Variants in CFAP44 observed in about 807,000 individuals in gnomAD.
CFAP44 encodes cilia and flagella associated protein 44.
Under a neutral mutation model 216.2 loss-of-function variants are expected in CFAP44, and 134 were observed. The observed-to-expected ratio is 0.62, with a 90% CI of 0.54 to 0.72. CFAP44 has a LOEUF of 0.72. CFAP44 is among the 30% of genes least tolerant of loss of function. The pLI is 0.00. For missense variants in CFAP44, 2,035 were observed against 2,182.1 expected, an observed-to-expected ratio of 0.93 and a Z score of 1.34; for synonymous variants, 700 against 727.6, an observed-to-expected ratio of 0.96 and a Z score of 0.61.
chr3:113,424,351 G>T (rs1934902362), intron 4 of CFAP44, among the ~76,000 whole-genome samples: 1 of 152,142 alleles, frequency 6.6e-6, no homozygotes, highest in Non-Finnish European at 1.5e-5. Context: ...CAGGAGAATT[G>T]CTTGAACCCG....
intron 3 of CFAP44, chr3:113,426,710 T>C (rs1423912824): frequency 1.1e-5 from 2 of 188,324 alleles, no homozygotes; most frequent in African/African-American, 4.8e-5. Flanking sequence ...AAAATTGTAT[T>C]TCCCAGAGAC....
At chr3:113,317,614 C>G (rs1950101065) in intron 28 of CFAP44, among the ~76,000 whole-genome samples, 1 of 152,172 alleles carries the variant, frequency 6.6e-6, no homozygotes, top group African/African-American at 2.4e-5. Context: ...CCCTGAATCT[C>G]AAGATATCCC....
chr3:113,389,070 A>T (rs942563248), intron 15 of CFAP44, among the ~76,000 whole-genome samples: 1 of 152,228 alleles, frequency 6.6e-6, no homozygotes, highest in African/African-American at 2.4e-5. Context: ...GCTGCAGAAT[A>T]CACATTATTC....
chr3:113,365,591 C>T (rs1950579352), intron 19 of CFAP44, among the ~76,000 whole-genome samples: 1 of 151,918 alleles, frequency 6.6e-6, no homozygotes, highest in African/African-American at 2.4e-5. Context: ...TAATCATGAC[C>T]CACATTGTCA....
chr3:113,436,178 T>A (rs1159833407), intron 1 of CFAP44, among the ~76,000 whole-genome samples: 1 of 152,190 alleles, frequency 6.6e-6, no homozygotes, highest in Admixed American at 6.5e-5. Context: ...ATATTTTCTA[T>A]TCCTTCCAGT....
At chr3:113,337,679 C>A (rs80125521) in intron 24 of CFAP44, among the ~76,000 whole-genome samples, 5,568 of 151,922 alleles carry the variant, frequency 0.037, 130 homozygotes, top group African/African-American at 0.07. Context: ...GACAAAGGTG[C>A]AAAAGGAATT....
chr3:113,339,236 G>C (rs77742359), intron 24 of CFAP44, among the ~76,000 whole-genome samples: 13,881 of 152,150 alleles, frequency 0.091, 836 homozygotes, highest in African/African-American at 0.16. Flanking sequence ...TCCAGATTCT[G>C]AGGGTCAAAC....
chr3:113,392,727 CCAGAATAACTCT>C (rs930591708), intron 15 of CFAP44, among the ~76,000 whole-genome samples: 5 of 144,478 alleles, frequency 3.5e-5, no homozygotes, highest in African/African-American at 1.2e-4. Context: ...ATAATAAAGA[CCAGAATAACTCT>C]CAAGATTCTG....
intron 14 of CFAP44, 53 bp from the exon 15 acceptor site, chr3:113,395,913 T>A: frequency 7.5e-7 from 1 of 1,342,228 alleles, no homozygotes; most frequent in Non-Finnish European, 1.0e-6. Flanking sequence ...AAATCTAGCC[T>A]ATAGATCACA....
intron 17 of CFAP44, among the ~76,000 whole-genome samples, chr3:113,374,956 G>A (rs1033866124): frequency 5.3e-5 from 8 of 152,232 alleles, no homozygotes; most frequent in African/African-American, 1.7e-4. Context: ...ATTTATGACT[G>A]AGTATATAAG....
rs570876610 is a variant in CFAP44 at position 113,358,851 on chromosome 3, G to A, written c.2959C>T (p.Arg987Cys). The A allele has an allele frequency of 2.3e-5, 36 of 1,536,324 alleles. No homozygotes were observed. Among genetic ancestry groups the A allele is most frequent in the African/African-American group, 1.2e-4 (9 of 73,088 alleles). ...GCTGTTTTTCTGTGCATCTCAGCAC[G>A]GATTTGGGAATCTACATCAAAATCC... ...RTDFDVDSQI[R>C]AEMHRKTAFK... The change falls in exon 22 of 35, where the codon CGT becomes TGT. Residue 987 changes from arginine (R) to cysteine (C), a missense_variant. Arg to Cys is a radical substitution (Grantham distance 180). Transcript: ENST00000393845.
At chr3:113,425,437 C>G (rs888050240) in intron 4 of CFAP44, among the ~76,000 whole-genome samples, 3 of 152,206 alleles carry the variant, frequency 2.0e-5, no homozygotes, top group Non-Finnish European at 2.9e-5. Flanking sequence ...ACAAAATCCC[C>G]TTGTCAATCA....
intron 5 of CFAP44, among the ~76,000 whole-genome samples, chr3:113,418,730 G>C (rs1285681222): frequency 2.6e-5 from 4 of 151,648 alleles, no homozygotes; most frequent in South Asian, 4.2e-4. Flanking sequence ...TTTTGAGACA[G>C]AGTCTTGCCC....
intron 4 of CFAP44, among the ~76,000 whole-genome samples, chr3:113,421,974 T>A (rs1457738994): frequency 6.6e-6 from 1 of 152,142 alleles, no homozygotes; most frequent in African/African-American, 2.4e-5. Context: ...ATGTGTACCC[T>A]CTGTATCTAA....
chr3:113,326,415 T>C, intron 28 of CFAP44, 30 bp downstream of exon 28: 1 of 1,459,806 alleles, frequency 6.9e-7, no homozygotes, highest in Non-Finnish European at 9.0e-7. Context: ...TGAGAGAAAA[T>C]AAGATCATAT....
chr3:113,386,612 C>T (rs1451630820), intron 15 of CFAP44, among the ~76,000 whole-genome samples: 1 of 152,084 alleles, frequency 6.6e-6, no homozygotes, highest in Non-Finnish European at 1.5e-5. Context: ...GAGGCAGGGA[C>T]AAGGCTAGAA....
chr3:113,304,242 G>A (rs754653840), intron 31 of CFAP44, 125 bp from the exon 32 acceptor site: 57 of 939,412 alleles, frequency 6.1e-5, no homozygotes, highest in Admixed American at 1.7e-4. Flanking sequence ...GGGCTTCTAC[G>A]TCTTCCTTAC....
In CFAP44 at chr3:113,294,795, T is replaced by A. The variant is rs1439165204; in HGVS notation, c.5265A>T (p.Glu1755Asp). Residue 1755 changes from glutamate to aspartate, a missense_variant, in exon 34 of 35, where the codon GAA becomes GAT. Transcript: ENST00000393845. ...TGTGTTCTTTTGTCTTCATCATCAG[T>A]TCCCATCGCATTTGAGCAATCTTTT... is the stretch of plus-strand genomic sequence containing the variant. Reference protein sequence around the residue: ...WEEKIAQMRWELMMKTKEHTR... With the variant: ...WEEKIAQMRWDLMMKTKEHTR... 2 of 1,535,076 alleles carry A rather than the reference T, an allele frequency of 1.3e-6. No homozygotes were observed. The highest frequency in any genetic ancestry group is 2.7e-5 in the African/African-American group (2 of 72,934).
chr3:113,395,314 A>T (rs1933959717), intron 15 of CFAP44, among the ~76,000 whole-genome samples: 1 of 152,326 alleles, frequency 6.6e-6, no homozygotes, highest in Non-Finnish European at 1.5e-5. Context: ...AGAAGAGAAA[A>T]TAGATGTGGA....
Sources: gnomAD v4.1 joint callset for allele counts (sites outside exome capture counted in the v4.1 genomes callset) on GRCh38, gnomAD v4.1.1 for gene constraint, MANE v1.5 for transcripts, NCBI Gene and HGNC (gene_info 2026-07-23, HGNC 2026-07-21) for gene names.